SLC24A4: variants seen among roughly 807,000 people sequenced by gnomAD.
SLC24A4 encodes solute carrier family 24 member 4.
SLC24A4 carries 53 observed loss-of-function variants against 79.0 expected under a neutral mutation model. That is an observed-to-expected ratio of 0.67 (90% CI 0.54 to 0.84). The LOEUF (loss-of-function observed/expected upper bound fraction) is 0.84. Among genes scored for constraint, SLC24A4 ranks in the 40% least tolerant of loss-of-function variants. SLC24A4 has a pLI of 0.00. For missense variants in SLC24A4, 731 were observed against 822.0 expected (o/e 0.89, Z 1.35); for synonymous variants, 323 against 323.8 (o/e 1.00, Z 0.03).
intron 1 of SLC24A4, among the ~76,000 whole-genome samples, chr14:92,325,180 C>T (rs1052723248): frequency 6.6e-6 from 1 of 152,180 alleles, no homozygotes; most frequent in African/African-American, 2.4e-5. Context: ...AAGCAGTGCG[C>T]ATCAGGAGAG....
At chr14:92,357,958 T>G (rs1467088506) in intron 2 of SLC24A4, among the ~76,000 whole-genome samples, 1 of 152,252 alleles carries the variant, frequency 6.6e-6, no homozygotes, top group African/African-American at 2.4e-5. Context: ...GATGGAAGTC[T>G]TGCAGACAGA....
intron 2 of SLC24A4, among the ~76,000 whole-genome samples, chr14:92,360,870 C>G (rs915822968): frequency 6.6e-6 from 1 of 152,194 alleles, no homozygotes; most frequent in South Asian, 2.1e-4. Flanking sequence ...AGGGTTTCTA[C>G]GAAACCGAAA....
intron 12 of SLC24A4, among the ~76,000 whole-genome samples, chr14:92,469,409 T>C (rs12878457): frequency 0.67 from 101,987 of 151,332 alleles, 35,465 homozygotes; most frequent in Non-Finnish European, 0.76. Context: ...CTCAGGAGGC[T>C]GAGGCAGGAG....
At chr14:92,439,799 G>C (rs1162191561) in intron 4 of SLC24A4, among the ~76,000 whole-genome samples, 3 of 152,230 alleles carry the variant, frequency 2.0e-5, no homozygotes, top group Admixed American at 2.0e-4. Context: ...CACCCCGCCA[G>C]GGGGACGCCA....
chr14:92,469,733 C>G (rs1894333275), intron 12 of SLC24A4, among the ~76,000 whole-genome samples: 1 of 152,044 alleles, frequency 6.6e-6, no homozygotes, highest in African/African-American at 2.4e-5. Flanking sequence ...TTAGTCAGCC[C>G]TAAAAAGGAA....
Position 92,441,309 on chromosome 14 carries a change from A to G in SLC24A4, c.394-780A>G, listed in dbSNP as rs10146641. Among the ~76,000 whole-genome samples the G allele has an allele frequency of 4.8e-3, 736 of 152,324 alleles. 5 individuals carry two copies. Among genetic ancestry groups the G allele is most frequent in the African/African-American group, 0.017 (689 of 41,574 alleles). ...GTTTCTCCAAACATCCAAAGCCTCC[A>G]GCGCTGCATTTCGGATCAGAGGATG... is the stretch of plus-strand genomic sequence containing the variant. On this transcript the variant is annotated intron_variant, in intron 4 of 16. Coordinates refer to ENST00000532405, the MANE Select transcript of SLC24A4 (RefSeq NM_153646.4). This position sits in a 1 kb window ranked among gnomAD's most constrained non-coding sequence, Gnocchi z 4.6.
intron 9 of SLC24A4, among the ~76,000 whole-genome samples, chr14:92,447,683 C>G (rs2139825190): frequency 6.6e-6 from 1 of 152,330 alleles, no homozygotes; most frequent in Non-Finnish European, 1.5e-5. Flanking sequence ...GCTCTCCAGA[C>G]AAGTAGCATG....
chr14:92,351,392 T>C (rs891088509), intron 2 of SLC24A4, among the ~76,000 whole-genome samples: 2 of 152,198 alleles, frequency 1.3e-5, no homozygotes, highest in African/African-American at 4.8e-5. Context: ...TTTTTAAAAC[T>C]GCTATTTTCA....
chr14:92,362,484 G>A (rs1887591250), intron 2 of SLC24A4, among the ~76,000 whole-genome samples: 1 of 152,132 alleles, frequency 6.6e-6, no homozygotes, highest in South Asian at 2.1e-4. Flanking sequence ...GGGCAGGTGT[G>A]GGTTGAACTG....
chr14:92,359,311 C>T (rs1280291617), intron 2 of SLC24A4, among the ~76,000 whole-genome samples: 1 of 145,486 alleles, frequency 6.9e-6, no homozygotes, highest in Admixed American at 6.6e-5. Context: ...CACAGTGGCT[C>T]ACGCCTATAA....
chr14:92,454,930 T>C, intron 11 of SLC24A4, among the ~76,000 whole-genome samples: 1 of 152,200 alleles, frequency 6.6e-6, no homozygotes, highest in Non-Finnish European at 1.5e-5. Context: ...GCATTAATTG[T>C]ACCCACTGGG....
chr14:92,392,603 G>A (rs1046517030), intron 2 of SLC24A4, among the ~76,000 whole-genome samples: 1 of 152,210 alleles, frequency 6.6e-6, no homozygotes, highest in Non-Finnish European at 1.5e-5. Context: ...GCTCTGCCAA[G>A]GGGGTCTTGG....
At chr14:92,333,333 G>A (rs369357799) in intron 2 of SLC24A4, among the ~76,000 whole-genome samples, 5 of 152,098 alleles carry the variant, frequency 3.3e-5, no homozygotes, top group East Asian at 1.9e-4. Flanking sequence ...GGCCTCAAGC[G>A]ATCCACCTGC....
At chr14:92,358,695 C>CTTTT (rs749108837) in intron 2 of SLC24A4, among the ~76,000 whole-genome samples, 2 of 130,876 alleles carry the variant, frequency 1.5e-5, no homozygotes, top group Admixed American at 7.9e-5. Flanking sequence ...CACATCTACT[C>CTTTT]TTTTTTTTTT....
At chr14:92,388,512 C>T (rs1889291823) in intron 2 of SLC24A4, among the ~76,000 whole-genome samples, 1 of 152,216 alleles carries the variant, frequency 6.6e-6, no homozygotes, top group Non-Finnish European at 1.5e-5. Flanking sequence ...GCGTTGACAG[C>T]CTCCTTGGGT....
intron 2 of SLC24A4, among the ~76,000 whole-genome samples, chr14:92,360,860 A>G (rs916835625): frequency 6.6e-6 from 1 of 152,226 alleles, no homozygotes; most frequent in Non-Finnish European, 1.5e-5. Context: ...GGCTCCTCTC[A>G]GGGTTTCTAC....
chr14:92,324,584 G>A (rs1236582815), intron 1 of SLC24A4, among the ~76,000 whole-genome samples: 1 of 152,234 alleles, frequency 6.6e-6, no homozygotes, highest in African/African-American at 2.4e-5. Flanking sequence ...GAGTAGCTTA[G>A]GCTATGCAAA....
rs150715221 is a variant in SLC24A4 at position 92,375,434 on chromosome 14, C to T, written c.241+49456C>T. ...CTAAACATGGAATTACCATATGACC[C>T]AGCAATTCCACTCATAAGTATCTAC... is the stretch of plus-strand genomic sequence containing the variant. On this transcript the variant is annotated intron_variant, in intron 2 of 16. Coordinates refer to ENST00000532405, the MANE Select transcript of SLC24A4 (RefSeq NM_153646.4). 3.4e-3 allele frequency among the ~76,000 whole-genome samples: 512 copies of T among 152,316 alleles called. 1 individual carries two copies. Among genetic ancestry groups the T allele is most frequent in the African/African-American group, 0.01 (436 of 41,572 alleles).
At chr14:92,362,223 T>TA in intron 2 of SLC24A4, among the ~76,000 whole-genome samples, 1 of 6,532 alleles carries the variant, frequency 1.5e-4, no homozygotes, top group Non-Finnish European at 0.012. Flanking sequence ...CAGGTCCCTG[T>TA]CCCTGTCCAG....
Sources: allele counts gnomAD v4.1 joint callset (sites outside exome capture counted in the v4.1 genomes callset), GRCh38; gene constraint gnomAD v4.1.1; non-coding constraint Gnocchi (gnomAD v3.1); transcripts MANE v1.5; gene names NCBI Gene and HGNC (gene_info 2026-07-23, HGNC 2026-07-21).